Variants in POLA1 observed in about 807,000 individuals in gnomAD.
POLA1 encodes the protein DNA polymerase alpha catalytic subunit.
POLA1 carries 15 observed loss-of-function variants against 124.0 expected under a neutral mutation model. That is an observed-to-expected ratio of 0.12 (90% CI 0.08 to 0.19). The LOEUF (loss-of-function observed/expected upper bound fraction) is 0.19. Among genes scored for constraint, POLA1 ranks in the 10% least tolerant of loss-of-function variants. The pLI, the probability that POLA1 is intolerant of heterozygous loss-of-function variation, is 1.00. For synonymous variants in POLA1, 408 were observed against 389.4 expected, an observed-to-expected ratio of 1.05 and a Z score of -0.56; for missense variants, 886 against 1,103.4, an observed-to-expected ratio of 0.80 and a Z score of 2.79.
At chrX:24,821,985 C>T (rs763289489) in intron 31 of POLA1, among the ~76,000 whole-genome samples, 9 of 110,728 alleles carry the variant, frequency 8.1e-5, no homozygotes, top group Admixed American at 3.8e-4. Context: ...CATGATTATA[C>T]GGAGAAGTTG....
intron 34 of POLA1, among the ~76,000 whole-genome samples, chrX:24,880,353 A>G (rs934163330): frequency 8.9e-6 from 1 of 112,210 alleles, no homozygotes; most frequent in Non-Finnish European, 1.9e-5. Context: ...TCTTACATTG[A>G]CCGATGAGGC....
rs538009543 is a variant in POLA1, at chrX:24,795,830, C to G, written c.2965-14068C>G. Among the ~76,000 whole-genome samples the G allele has an allele frequency of 7.3e-5, 8 of 109,980 alleles. No homozygotes were observed. In the South Asian group the frequency reaches 3.2e-3, roughly 44 times the overall value. ...GAAAAGGTTGCATAGGCTCCTCCCA[C>G]CCCCATCCACCCCACAGCTGTCTGT... On this transcript the variant is annotated intron_variant, in intron 26 of 36. Coordinates refer to ENST00000379068, the MANE Select transcript of POLA1 (RefSeq NM_001330360.2).
At chrX:24,973,297 G>A (rs191074391) in intron 36 of POLA1, among the ~76,000 whole-genome samples, 55 of 111,064 alleles carry the variant, frequency 5.0e-4, no homozygotes, top group Non-Finnish European at 8.1e-4. Context: ...CCCAGGAGGC[G>A]GGGTTTGCAG....
intron 3 of POLA1, among the ~76,000 whole-genome samples, chrX:24,703,824 T>C (rs1019462854): frequency 2.7e-5 from 3 of 111,941 alleles, no homozygotes; most frequent in Non-Finnish European, 5.6e-5. Context: ...GTTCTAGGTA[T>C]GAAAATTAAC....
chrX:24,725,941 T>G, intron 12 of POLA1, 40 bp from the exon 13 acceptor site: 1 of 872,835 alleles, frequency 1.1e-6, no homozygotes, highest in Non-Finnish European at 1.7e-6. Context: ...GTTTGTGAAG[T>G]TTTTGTCTTA....
In POLA1 at chrX:24,930,537, G is replaced by C; in HGVS notation, c.4249G>C (p.Asp1417His). The C allele has an allele frequency of 8.7e-7, 1 of 1,151,293 alleles. No homozygotes were observed. Among genetic ancestry groups the C allele is most frequent in the Non-Finnish European group, 1.2e-6 (1 of 840,388 alleles). 94.9% of individuals were successfully genotyped at this position (1,151,293 alleles called of 1,213,427 possible). Residue 1417 changes from aspartate (D) to histidine (H), a missense_variant, in exon 36 of 37, where the codon GAT becomes CAT. Around this residue, in one of 7 missense-constraint regions of POLA1, gnomAD observed 313 missense variants for 359.7 expected, o/e 0.87. Coordinates refer to ENST00000379068, the MANE Select transcript of POLA1 (RefSeq NM_001330360.2). ...GTGTGCACTGGAGAAACTTACTACC[G>C]ATCATGAGAAAGGTACGTTAAAATA... ...AECALEKLTT[D>H]HEKDKLKKQF...
At chrX:24,979,340 T>C (rs2048397947) in intron 36 of POLA1, among the ~76,000 whole-genome samples, 1 of 112,029 alleles carries the variant, frequency 8.9e-6, no homozygotes, top group African/African-American at 3.2e-5. Flanking sequence ...CCTATTTAGA[T>C]CCAAGATCCA....
chrX:24,947,423 A>G (rs1339373428), intron 36 of POLA1, among the ~76,000 whole-genome samples: 1 of 106,733 alleles, frequency 9.4e-6, no homozygotes, highest in Non-Finnish European at 1.9e-5. Context: ...ATGTGCCACC[A>G]TGCCTGGCTA....
rs1029973745 is a variant in POLA1 at position 24,890,760 on chromosome X, T to G, written c.4164+2638T>G. ...CTTTTTTTGGTATACCTTTGATGAT[T>G]AGCAACTTTTTTTAAAATGTGGAAT... On this transcript the variant is annotated intron_variant, in intron 35 of 36. Coordinates refer to ENST00000379068, the MANE Select transcript of POLA1 (RefSeq NM_001330360.2). Among the ~76,000 whole-genome samples, 4 of 112,604 alleles carry G rather than the reference T, an allele frequency of 3.6e-5. No individual in the cohort carries two copies. The Admixed American group carries it at 3.7e-4, about 11-fold the overall frequency.
intron 19 of POLA1, among the ~76,000 whole-genome samples, chrX:24,738,362 G>T (rs1602309303): frequency 9.0e-6 from 1 of 111,524 alleles, no homozygotes; most frequent in African/African-American, 3.2e-5. Flanking sequence ...GGGCAAGGTT[G>T]CATGGTTCAG....
chrX:24,773,646 C>T (rs1470141328), intron 26 of POLA1, among the ~76,000 whole-genome samples: 3 of 112,055 alleles, frequency 2.7e-5, no homozygotes, highest in African/African-American at 9.7e-5. Flanking sequence ...ATGTGAAGCA[C>T]TGAGAGTAGT....
chrX:24,990,325 T>G (rs993034328), intron 36 of POLA1, among the ~76,000 whole-genome samples: 1 of 112,404 alleles, frequency 8.9e-6, no homozygotes, highest in Non-Finnish European at 1.9e-5. Context: ...GTAATGTAAT[T>G]GTGTTGCATT....
chrX:24,753,317 CTATTTTATTTTATTTTATTTTATTT>C (rs368623044), intron 26 of POLA1, among the ~76,000 whole-genome samples: 32 of 89,623 alleles, frequency 3.6e-4, no homozygotes, highest in South Asian at 1.1e-3. Context: ...CACGCCAGGC[CTATTTTATTTTATTTTATTTTATTT>C]TATTTTATTT....
At chrX:24,933,786 G>A (rs1450578202) in intron 36 of POLA1, among the ~76,000 whole-genome samples, 1 of 112,427 alleles carries the variant, frequency 8.9e-6, no homozygotes, top group Non-Finnish European at 1.9e-5. Flanking sequence ...TCTTGTCAAA[G>A]CTTTTTCTCT....
At chrX:24,962,000 T>C (rs1007098463) in intron 36 of POLA1, among the ~76,000 whole-genome samples, 2 of 112,265 alleles carry the variant, frequency 1.8e-5, no homozygotes, top group African/African-American at 3.2e-5. Context: ...CTGCCATTTA[T>C]TGATCAGTTC....
chrX:24,888,600 G>GTTT (rs869301308), intron 35 of POLA1, among the ~76,000 whole-genome samples: 6 of 49,167 alleles, frequency 1.2e-4, no homozygotes, highest in African/African-American at 2.7e-4. Context: ...TTGTTTGCTT[G>GTTT]TTTTTTTTTT....
At chrX:24,705,440 TTC>T (rs1928734407) in intron 4 of POLA1, among the ~76,000 whole-genome samples, 1 of 111,644 alleles carries the variant, frequency 9.0e-6, no homozygotes, top group South Asian at 3.7e-4. Context: ...ACCATTAGTT[TTC>T]TCTCTCCTTC....
chrX:24,876,126 C>G (rs1480268632), intron 34 of POLA1, among the ~76,000 whole-genome samples: 1 of 111,878 alleles, frequency 8.9e-6, no homozygotes, highest in South Asian at 3.7e-4. Context: ...TCTGAATACT[C>G]AGTTTATATT....
At chrX:24,971,825 C>A (rs1208878392) in intron 36 of POLA1, among the ~76,000 whole-genome samples, 1 of 111,532 alleles carries the variant, frequency 9.0e-6, no homozygotes, top group Non-Finnish European at 1.9e-5. Flanking sequence ...GTGAATTTAT[C>A]TCCCTGGGCT....
Sources: allele counts gnomAD v4.1 joint callset (sites outside exome capture counted in the v4.1 genomes callset), GRCh38; gene constraint gnomAD v4.1.1; regional missense constraint gnomAD v4.1.1; transcripts MANE v1.5; gene names NCBI Gene and HGNC (gene_info 2026-07-23, HGNC 2026-07-21).